NCOA1: variants seen among roughly 807,000 people sequenced by gnomAD.
The protein encoded by NCOA1 is nuclear receptor coactivator 1.
NCOA1 carries 35 observed loss-of-function variants against 150.9 expected under a neutral mutation model. The ratio of observed to expected loss-of-function variants is 0.23; its 90% CI spans 0.18 to 0.31. The LOEUF is 0.31. Among genes scored for constraint, NCOA1 ranks in the 10% least tolerant of loss-of-function variants. The probability of loss-of-function intolerance (pLI) is 1.00; values close to 1 mark genes in which losing one functional copy is unlikely to be tolerated. For synonymous variants in NCOA1, 590 were observed against 630.0 expected (o/e 0.94, Z 0.95); for missense variants, 1,491 against 1,749.3 (o/e 0.85, Z 2.63).
intron 2 of NCOA1, among the ~76,000 whole-genome samples, chr2:24,577,545 A>G (rs1248970044): frequency 6.6e-6 from 1 of 152,154 alleles, no homozygotes; most frequent in East Asian, 1.9e-4. Flanking sequence ...TTGCCAGTAT[A>G]ATTTTGAGTC....
intron 3 of NCOA1, among the ~76,000 whole-genome samples, chr2:24,630,487 T>C (rs1361642334): frequency 1.3e-5 from 2 of 152,248 alleles, no homozygotes; most frequent in Non-Finnish European, 2.9e-5. Flanking sequence ...TTTCTTCATA[T>C]ATCTTGTTGC....
At chr2:24,738,365 G>C (rs1397783881) in intron 17 of NCOA1, among the ~76,000 whole-genome samples, 1 of 151,824 alleles carries the variant, frequency 6.6e-6, no homozygotes, top group African/African-American at 2.4e-5. Context: ...TTATCTTCCG[G>C]AATAGTTTAT....
At chr2:24,696,264 T>C (rs1672895033) in intron 10 of NCOA1, among the ~76,000 whole-genome samples, 1 of 152,066 alleles carries the variant, frequency 6.6e-6, no homozygotes, top group Non-Finnish European at 1.5e-5. Flanking sequence ...CTAAACAAAA[T>C]GAGATATATA....
At chr2:24,542,932 G>A (rs1665460529) in intron 1 of NCOA1, among the ~76,000 whole-genome samples, 1 of 152,160 alleles carries the variant, frequency 6.6e-6, no homozygotes, top group Admixed American at 6.6e-5. Flanking sequence ...CTAAGTCTAA[G>A]CCACAGAAAT....
chr2:24,556,044 T>A (rs914389445), intron 1 of NCOA1: 8 of 152,216 alleles, frequency 5.3e-5, no homozygotes, highest in African/African-American at 1.9e-4. Flanking sequence ...GATCTGCAGG[T>A]TTGTTACACA....
intron 1 of NCOA1, among the ~76,000 whole-genome samples, chr2:24,561,447 G>A (rs933775718): frequency 6.6e-6 from 1 of 152,146 alleles, no homozygotes; most frequent in Non-Finnish European, 1.5e-5. Flanking sequence ...ACAAAAATTG[G>A]ATGTGAGATG....
rs1291889098 is a variant in NCOA1 at position 24,707,856 on chromosome 2, C to G, written c.2386C>G (p.Pro796Ala). Reference sequence around the variant, plus strand: ...CCCAACCCCAATGACCAAACCCACTCCTGAGGAAATAAAACTGGAGGCCCA... The same window carrying G: ...CCCAACCCCAATGACCAAACCCACTGCTGAGGAAATAAAACTGGAGGCCCA... ...TNPTPMTKPT[P>A]EEIKLEAQSQ... Residue 796 changes from proline to alanine, a missense_variant, in exon 13 of 23, where the codon CCT becomes GCT. Physicochemically the swap from Pro to Ala is conservative, Grantham distance 27 (BLOSUM62 -1). Around this residue, in one of 8 missense-constraint regions of NCOA1, gnomAD observed 703 missense variants for 717.7 expected, o/e 0.98. Coordinates refer to ENST00000348332, the MANE Select transcript of NCOA1 (RefSeq NM_003743.5). 6.3e-7 allele frequency: 1 copy of G among 1,598,894 alleles called. No homozygotes were observed. Among genetic ancestry groups the G allele is most frequent in the Non-Finnish European group, 8.5e-7 (1 of 1,175,590 alleles).
rs772846288 is a variant in NCOA1, at chr2:24,768,898, A to G, written c.*507A>G. 45 of 221,370 alleles carry G rather than the reference A, an allele frequency of 2.0e-4. No individual in the cohort carries two copies. Among genetic ancestry groups the G allele is most frequent in the Non-Finnish European group, 3.4e-4 (37 of 110,416 alleles). The allele number at this position is 221,370 out of a possible 1,614,324, so 13.7% of individuals were successfully genotyped here. On this transcript the variant is annotated 3_prime_UTR_variant, in exon 23 of 23. Transcript: ENST00000348332. The stretch of plus-strand genomic sequence containing the variant: ...CAATCCCAGGCAGCTTGTGTGTACA[A>G]TCAGCTTCTCTAGCAACTCTGTATC...
rs1209023139 is a variant in NCOA1 at position 24,707,107 on chromosome 2, A to C, written c.1637A>C (p.Glu546Ala). The C allele has an allele frequency of 1.2e-6, 2 of 1,614,094 alleles. No individual in the cohort carries two copies. Among genetic ancestry groups the C allele is most frequent in the African/African-American group, 2.7e-5 (2 of 74,932 alleles). ...GTAACATCTTTACAGGGTATGAATG[A>C]AGGACCCAATAACTCCGTTGGCTTC... Reference protein sequence around the residue: ...IPVTSLQGMNEGPNNSVGFSA... With the variant: ...IPVTSLQGMNAGPNNSVGFSA... Residue 546 changes from glutamate to alanine, a missense_variant, in exon 13 of 23, where the codon GAA (glutamate) becomes GCA (alanine). By Grantham distance (107) the Glu-to-Ala change is moderately radical. Transcript: ENST00000348332.
At chr2:24,516,171 A>G (rs1449631769) in intron 1 of NCOA1, among the ~76,000 whole-genome samples, 1 of 147,646 alleles carries the variant, frequency 6.8e-6, no homozygotes, top group East Asian at 2.0e-4. Flanking sequence ...CTTTATGAAT[A>G]TAAATAGGTT....
intron 1 of NCOA1, among the ~76,000 whole-genome samples, chr2:24,557,293 T>C (rs954278237): frequency 7.2e-5 from 11 of 152,136 alleles, no homozygotes; most frequent in African/African-American, 2.7e-4. Flanking sequence ...ATAATAACTT[T>C]ACAGCACTGT....
intron 3 of NCOA1, among the ~76,000 whole-genome samples, chr2:24,643,359 T>TAC (rs1353199354): frequency 6.6e-6 from 1 of 152,178 alleles, no homozygotes; most frequent in Non-Finnish European, 1.5e-5. Flanking sequence ...TCAGAACCCC[T>TAC]ACAATTTCTG....
chr2:24,578,858 T>C (rs1269060769), intron 2 of NCOA1, among the ~76,000 whole-genome samples: 1 of 152,158 alleles, frequency 6.6e-6, no homozygotes, highest in Non-Finnish European at 1.5e-5. Context: ...TAGTAAAAGC[T>C]GAAGACAACC....
chr2:24,730,269 C>T (rs1662936166), intron 17 of NCOA1, among the ~76,000 whole-genome samples: 1 of 152,192 alleles, frequency 6.6e-6, no homozygotes, highest in South Asian at 2.1e-4. Context: ...CCTTCCTCTC[C>T]TAGGAAAGGG....
intron 3 of NCOA1, among the ~76,000 whole-genome samples, chr2:24,594,664 A>C (rs1667816310): frequency 1.3e-5 from 2 of 152,110 alleles, no homozygotes; most frequent in South Asian, 4.1e-4. Context: ...CCTCTAAAGA[A>C]TTGTGTAATT....
In NCOA1 at chr2:24,683,144, T is replaced by C; in HGVS notation, c.532+16T>C. On this transcript the variant is annotated intron_variant, in intron 8 of 22. Transcript: ENST00000348332. ...AAATCACTAGGTAAACAGAAATGTG[T>C]TTTTAAAAAGAATACTAGCTCTCTG... 2 of 1,529,614 alleles carry C rather than the reference T, an allele frequency of 1.3e-6. No homozygotes were observed. The highest frequency in any genetic ancestry group is 1.7e-6 in the Non-Finnish European group (2 of 1,144,426). 94.8% of individuals were successfully genotyped at this position (1,529,614 alleles called of 1,614,324 possible). A position where few individuals can be genotyped will look rare whatever the true frequency, so the allele number is the denominator to read the frequency against.
intron 3 of NCOA1, among the ~76,000 whole-genome samples, chr2:24,592,753 CAATTCTTTCAT>C (rs1389671153): frequency 4.6e-5 from 7 of 151,940 alleles, no homozygotes; most frequent in African/African-American, 1.4e-4. Flanking sequence ...CCTGTTATAA[CAATTCTTTCAT>C]TAGGGAGCAC....
intron 5 of NCOA1, 188 bp downstream of exon 5, chr2:24,658,954 G>A: frequency 1.1e-5 from 6 of 569,272 alleles, no homozygotes; most frequent in Non-Finnish European, 1.6e-5. Context: ...GCTTCCTCTT[G>A]ATTTCCTTTA....
chr2:24,537,152 T>A (rs2148183427), intron 1 of NCOA1, among the ~76,000 whole-genome samples: 1 of 152,134 alleles, frequency 6.6e-6, no homozygotes, highest in East Asian at 1.9e-4. Context: ...ACTCCCATGT[T>A]CATTGTAGCA....
Sources: gnomAD v4.1 joint callset for allele counts (sites outside exome capture counted in the v4.1 genomes callset) on GRCh38, gnomAD v4.1.1 for gene constraint, gnomAD v4.1.1 regional missense constraint, MANE v1.5 for transcripts, NCBI Gene and HGNC (gene_info 2026-07-23, HGNC 2026-07-21) for gene names.